Variants in PLEC observed in about 807,000 individuals in gnomAD.
The protein encoded by PLEC is plectin.
PLEC carries 216 observed loss-of-function variants against 392.8 expected under a neutral mutation model. The observed-to-expected ratio is 0.55, with a 90% confidence interval of 0.49 to 0.62. PLEC has a LOEUF of 0.62. PLEC is among the 20% of genes least tolerant of loss of function. PLEC has a pLI of 0.00. For missense variants in PLEC, 6,863 were observed against 6,563.4 expected, an observed-to-expected ratio of 1.05 and a Z score of -1.58; for synonymous variants, 3,621 against 2,980.6, an observed-to-expected ratio of 1.21 and a Z score of -7.00.
upstream of PLEC, chr8:143,942,389 C>T (rs1373797338): frequency 6.2e-7 from 1 of 1,603,220 alleles, no homozygotes; most frequent in Non-Finnish European, 8.5e-7. Flanking sequence ...CCACTGCACC[C>T]ACCTACGCAG....
chr8:143,934,474 A>G (rs782035725), intron 10 of PLEC, 29 bp from the exon 11 acceptor site: 4 of 1,609,450 alleles, frequency 2.5e-6, no homozygotes, highest in Admixed American at 1.7e-5. Context: ...CTCAGGCCCT[A>G]TAGGCAGGGG....
At chr8:143,961,949 G>C (rs1832889977) in intron 1 of PLEC, among the ~76,000 whole-genome samples, 1 of 152,132 alleles carries the variant, frequency 6.6e-6, no homozygotes, top group South Asian at 2.1e-4. Context: ...TGGGATTACA[G>C]GCATGTGCCA....
Position 143,916,127 on chromosome 8 carries a change from G to A in PLEC, c.*50C>T, listed in dbSNP as rs555807556. The A allele has an allele frequency of 2.1e-3, 2,910 of 1,419,406 alleles. 9 individuals are homozygous for A. Among genetic ancestry groups the A allele is most frequent in the Non-Finnish European group, 2.5e-3 (2,689 of 1,076,542 alleles). 87.9% of individuals were successfully genotyped at this position (1,419,406 alleles called of 1,614,324 possible). A position where few individuals can be genotyped will look rare whatever the true frequency, so the allele number is the denominator to read the frequency against. On this transcript the variant is annotated 3_prime_UTR_variant, in exon 32 of 32. Coordinates refer to ENST00000345136, the MANE Select transcript of PLEC (RefSeq NM_201384.3). The stretch of plus-strand genomic sequence containing the variant: ...GCGTTGAAAACGGCCCCCGCGCCTC[G>A]GTGGGAGCCGGGCTGGGCCGCATGC...
Position 143,924,756 on chromosome 8 carries a change from C to A in PLEC, c.5173G>T (p.Gly1725Trp). The A allele has an allele frequency of 6.5e-7, 1 of 1,535,218 alleles. No homozygotes were observed. The highest frequency in any genetic ancestry group is 8.7e-7 in the Non-Finnish European group (1 of 1,146,420). Residue 1725 changes from glycine (G) to tryptophan (W), a missense_variant, in exon 31 of 32, where the codon GGG becomes TGG. Physicochemically the swap from Gly to Trp is radical, Grantham distance 184. Transcript: ENST00000345136. ...TCCAGCAGCTGCCGCTGCTGCTCCC[C>A]CTGCTCCGTCTCGGCCCGCAGCCGG... ...LIRLRAETEQ[G>W]EQQRQLLEEE...
chr8:143,950,824 G>GGGCAGGCGGGCGGGCA, exon 1 of PLEC: 1 of 1,491,392 alleles, frequency 6.7e-7, no homozygotes, highest in South Asian at 1.3e-5. Context: ...GGCAGCGGCA[G>GGGCAGGCGGGCGGGCA]GGCAGGCGGG....
At position 143,919,848 on chromosome 8, in the gene PLEC, T is replaced by C; in HGVS notation, c.9973A>G (p.Arg3325Gly). 6.2e-7 allele frequency: 1 copy of C among 1,613,140 alleles called. No homozygotes were observed. Residue 3325 changes from arginine to glycine, a missense_variant, in exon 32 of 32, where the codon AGA becomes GGA. Transcript: ENST00000345136. Reference protein sequence around the residue: ...SELLASGVLSRAQFEQLKDGK... With the variant: ...SELLASGVLSGAQFEQLKDGK... ...TCCTTGAGCTGCTCAAACTGGGCTC[T>C]GCTGAGGACCCCGGAAGCCAGGAGC...
Position 143,925,803 on chromosome 8 carries a change from C to G in PLEC, c.4126G>C (p.Ala1376Pro). Residue 1376 changes from alanine (A) to proline (P), a missense_variant, in exon 31 of 32, where the codon GCC becomes CCC. Ala to Pro is a conservative substitution (Grantham distance 27). Coordinates refer to ENST00000345136, the MANE Select transcript of PLEC (RefSeq NM_201384.3). Reference protein sequence around the residue: ...EAALEKQRQLAEAHAQAKAQA... With the variant: ...EAALEKQRQLPEAHAQAKAQA... ...GCCTTTGCCTGGGCGTGCGCCTCGG[C>G]CAGCTGCCGCTGCTTCTCCAGCGCG... is the stretch of plus-strand genomic sequence containing the variant. 1 of 1,570,428 alleles carries G rather than the reference C, an allele frequency of 6.4e-7. No homozygotes were observed. Among genetic ancestry groups the G allele is most frequent in the Non-Finnish European group, 8.6e-7 (1 of 1,165,798 alleles).
chr8:143,929,832 G>C lies in PLEC; in HGVS notation c.2740-3C>G. ...TCCTCTGGCTTCAGGGTGCGGAACT[G>C]GGGGAAGCACGTGGGGCTGAGTGCC... On this transcript the variant is annotated splice_region_variant and splice_polypyrimidine_tract_variant and intron_variant, in intron 22 of 31. Transcript: ENST00000345136. 1 of 1,599,600 alleles carries C rather than the reference G, an allele frequency of 6.3e-7. No homozygotes were observed. The highest frequency in any genetic ancestry group is 8.5e-7 in the Non-Finnish European group (1 of 1,178,640).
In PLEC at chr8:143,918,835, G is replaced by A. The variant is rs35134741; in HGVS notation, c.10986C>T (p.Thr3662=). Residue 3662 remains threonine (T), a synonymous_variant, in exon 32 of 32, where the codon ACC becomes ACT. Transcript: ENST00000345136. The stretch of plus-strand genomic sequence containing the variant: ...TGGTGCCCTCCCGGAGCAGGTTGTA[G>A]GTCTCGAGAGAGATGATCCGAGCCT... The part of the protein sequence containing the change: ...LFEARIISLE[T]YNLLREGTRS... 20,848 of 1,613,134 alleles carry A rather than the reference G, an allele frequency of 0.013. 180 individuals carry two copies. The highest frequency in any genetic ancestry group is 0.015 in the Non-Finnish European group (17,605 of 1,180,020).
rs373846942 is a variant in PLEC, at chr8:143,929,741, G to A, written c.2828C>T (p.Ala943Val). 2.1e-5 allele frequency: 33 copies of A among 1,599,516 alleles called. No homozygotes were observed. The highest frequency in any genetic ancestry group is 1.7e-4 in the Middle Eastern group (1 of 6,058). Residue 943 changes from alanine to valine, a missense_variant, in exon 23 of 32, where the codon GCG (alanine) becomes GTG (valine). Coordinates refer to ENST00000345136, the MANE Select transcript of PLEC (RefSeq NM_201384.3). ...YQAFLRDSQD[A>V]GGFGPEDRLM... ...CCGGTCCTCGGGTCCGAAGCCGCCC[G>A]CGTCCTGGCTGTCCCGCAGGAAGGC...
In PLEC at chr8:143,923,094, C is replaced by T. The variant is rs769868432; in HGVS notation, c.6835G>A (p.Glu2279Lys). 6.2e-7 allele frequency: 1 copy of T among 1,606,796 alleles called. No individual in the cohort carries two copies. Among genetic ancestry groups the T allele is most frequent in the African/African-American group, 1.3e-5 (1 of 75,056 alleles). The change falls in exon 31 of 32, where the codon GAG becomes AAG. Residue 2279 changes from glutamate (E) to lysine (K), a missense_variant. Physicochemically the swap from Glu to Lys is moderately conservative, Grantham distance 56 (BLOSUM62 1). Transcript: ENST00000345136. ...EAEKMKQVAE[E>K]AARLSVAAQE... ...GCCGCCACACTCAGCCGCGCGGCCT[C>T]CTCCGCCACCTGCTTCATCTTCTCA... is the stretch of plus-strand genomic sequence containing the variant.
rs1828506469 is a variant in PLEC, at chr8:143,934,747, T to A, written c.946-17A>T. 6.2e-7 allele frequency: 1 copy of A among 1,612,184 alleles called. No individual in the cohort carries two copies. Among genetic ancestry groups the A allele is most frequent in the Admixed American group, 1.7e-5 (1 of 60,006 alleles). ...CCACAGGATCTGCCAGGGACGAGGC[T>A]GTCGGCAACCACGCCGGGCTCTCAG... On this transcript the variant is annotated splice_polypyrimidine_tract_variant and intron_variant, in intron 9 of 31. Coordinates refer to ENST00000345136, the MANE Select transcript of PLEC (RefSeq NM_201384.3).
At chr8:143,933,491 C>T (rs1554719487) in intron 12 of PLEC, 140 bp from the exon 13 acceptor site, 2 of 994,292 alleles carry the variant, frequency 2.0e-6, no homozygotes, top group Non-Finnish European at 3.1e-6. Context: ...CCCTTCCCTC[C>T]CTGCCCACCT....
At chr8:143,970,236 G>A (rs1554743786) in intron 1 of PLEC, among the ~76,000 whole-genome samples, 1 of 151,896 alleles carries the variant, frequency 6.6e-6, no homozygotes, top group African/African-American at 2.4e-5. Flanking sequence ...CAGGCTGGAG[G>A]TTATTTGGGG....
At chr8:143,953,799 G>A (rs372818130), upstream of PLEC, 13 of 1,611,202 alleles carry the variant, frequency 8.1e-6, no homozygotes, top group African/African-American at 1.7e-4. Flanking sequence ...GGGCGGCTGT[G>A]CCACCACCAG....
upstream of PLEC, among the ~76,000 whole-genome samples, chr8:143,940,024 C>T (rs1287588675): frequency 5.3e-5 from 8 of 152,306 alleles, no homozygotes; most frequent in Admixed American, 1.3e-4. Flanking sequence ...CCTGCCAGGG[C>T]GGACTCAAGA....
upstream of PLEC, chr8:143,939,647 C>G (rs374217084): frequency 7.0e-7 from 1 of 1,420,118 alleles, no homozygotes; most frequent in Non-Finnish European, 9.2e-7. Context: ...GAGGCCGGCC[C>G]GCCCCCGAGG....
At position 143,917,155 on chromosome 8, in the gene PLEC, G is replaced by GTACT; in HGVS notation, c.12662_12665dup (p.Tyr4222Ter). On this transcript the variant is annotated stop_gained and frameshift_variant, in exon 32 of 32. Transcript: ENST00000345136. LOFTEE classifies it high-confidence loss of function. ...CGGTGATGGAGAGCGTGCCGGCGCG[G>GTACT]TACTGGTCCAGTGCCGAGCGGTCGA... 1.2e-6 allele frequency: 2 copies of GTACT among 1,609,920 alleles called. No homozygotes were observed. Among genetic ancestry groups the GTACT allele is most frequent in the Non-Finnish European group, 1.7e-6 (2 of 1,177,158 alleles).
Position 143,916,800 on chromosome 8 carries a change from C to A in PLEC, c.13021G>T (p.Val4341Leu), listed in dbSNP as rs1820719872. The change falls in exon 32 of 32, where the codon GTG becomes TTG. Residue 4341 changes from valine to leucine, a missense_variant. Val to Leu is a conservative substitution (Grantham distance 32). Transcript: ENST00000345136. ...ATGCGGTCCACCATGATCTTGTCCACCAGGCCCTTGTTGACGGCGTCGGTG... is the reference window on the plus strand; with the variant it reads ...ATGCGGTCCACCATGATCTTGTCCAACAGGCCCTTGTTGACGGCGTCGGTG... The part of the protein sequence containing the change: ...PVTDAVNKGL[V>L]DKIMVDRINL... 3.1e-6 allele frequency: 5 copies of A among 1,613,230 alleles called. No homozygotes were observed. The highest frequency in any genetic ancestry group is 4.2e-6 in the Non-Finnish European group (5 of 1,179,954).
Sources: gnomAD v4.1 joint callset for allele counts (sites outside exome capture counted in the v4.1 genomes callset) on GRCh38, gnomAD v4.1.1 for gene constraint, MANE v1.5 for transcripts, NCBI Gene and HGNC (gene_info 2026-07-23, HGNC 2026-07-21) for gene names.